The following ZNF639 variants were observed in gnomAD, a reference collection of about 807,000 sequenced individuals.
The protein encoded by ZNF639 is zinc finger amplified in esophageal squamous cell carcinomas 1.
In ZNF639, 20 loss-of-function variants were observed where a neutral mutation model predicts 39.8. That is an observed-to-expected ratio of 0.50 (90% CI 0.35 to 0.73). ZNF639 has a LOEUF of 0.73. ZNF639 is among the 30% of genes least tolerant of loss of function. The pLI, the probability that ZNF639 is intolerant of heterozygous loss-of-function variation, is 0.00. For synonymous variants in ZNF639, 176 were observed against 189.8 expected, an observed-to-expected ratio of 0.93 and a Z score of 0.60; for missense variants, 477 against 566.2, an observed-to-expected ratio of 0.84 and a Z score of 1.60.
chr3:179,333,444 T>G lies in ZNF639; in HGVS notation c.480T>G (p.Ser160=). The change falls in exon 6 of 6, where the codon TCT becomes TCG. Residue 160 remains serine (S), a synonymous_variant. Transcript: ENST00000496856. ...DYDIETENNS[S]ESLQDQTDEE... ...ATATAGAGACAGAAAACAATTCCTC[T>G]GAGAGTCTCCAAGACCAAACTGATG... The G allele has an allele frequency of 6.2e-7, 1 of 1,614,072 alleles. No individual in the cohort carries two copies.
chr3:179,326,773 G>A (rs926568691), intron 1 of ZNF639, among the ~76,000 whole-genome samples: 2 of 151,704 alleles, frequency 1.3e-5, no homozygotes, highest in Non-Finnish European at 2.9e-5. Context: ...TTGCAGGTGC[G>A]CACCATCACA....
chr3:179,323,501 C>T (rs1005918920), intron 1 of ZNF639, among the ~76,000 whole-genome samples: 5 of 152,224 alleles, frequency 3.3e-5, no homozygotes, highest in South Asian at 2.1e-4. Context: ...GCCGGGCTCC[C>T]CTCGGCCCCC....
rs548263303 is a variant in ZNF639 at position 179,323,135 on chromosome 3, G to A, written c.-239G>A. ...GGCGTGGGGCGCGCGGGGAGGGAGA[G>A]GGGTCGGCCCAGCACAGCGTCCGGG... is the stretch of plus-strand genomic sequence containing the variant. On this transcript the variant is annotated 5_prime_UTR_variant, in exon 1 of 6. Coordinates refer to ENST00000496856, the MANE Select transcript of ZNF639 (RefSeq NM_001303426.2). 5 of 984,780 alleles carry A rather than the reference G, an allele frequency of 5.1e-6. No individual in the cohort carries two copies. The highest frequency in any genetic ancestry group is 2.3e-4 in the East Asian group (2 of 8,796). The allele number at this position is 984,780 out of a possible 1,614,324, so 61.0% of individuals were successfully genotyped here.
intron 4 of ZNF639, among the ~76,000 whole-genome samples, 191 bp from the exon 5 acceptor site, chr3:179,332,798 T>G (rs1050151296): frequency 2.6e-5 from 4 of 152,206 alleles, no homozygotes; most frequent in African/African-American, 9.7e-5. Flanking sequence ...GGGCATCAAT[T>G]CTAAAGCATT....
rs1192932548 is a variant in ZNF639, at chr3:179,335,531, G to A, written c.*1109G>A. ...CATTTATTAATAAAATGATAAATTA[G>A]CATCAATATTAGTTCGTATGGCTGC... On this transcript the variant is annotated 3_prime_UTR_variant, in exon 6 of 6. Transcript: ENST00000496856. The A allele has an allele frequency of 6.6e-6, 1 of 152,188 alleles. No homozygotes were observed. The highest frequency in any genetic ancestry group is 2.4e-5 in the African/African-American group (1 of 41,444). The allele number at this position is 152,188 out of a possible 1,614,324, so 9.4% of individuals were successfully genotyped here.
intron 1 of ZNF639, among the ~76,000 whole-genome samples, chr3:179,324,687 T>G (rs780186668): frequency 1.3e-4 from 20 of 152,318 alleles, no homozygotes; most frequent in Non-Finnish European, 2.9e-5. Flanking sequence ...TCCGTGTGCC[T>G]CCTCCTCTCA....
chr3:179,332,602 G>GT (rs1727978276), intron 4 of ZNF639, among the ~76,000 whole-genome samples: 2 of 152,206 alleles, frequency 1.3e-5, no homozygotes, highest in Non-Finnish European at 2.9e-5. Flanking sequence ...AGCCTTGGCA[G>GT]ACTGAGCAAA....
intron 4 of ZNF639, among the ~76,000 whole-genome samples, chr3:179,330,900 A>ATG (rs1434916740): frequency 1.3e-5 from 2 of 152,194 alleles, no homozygotes; most frequent in Non-Finnish European, 2.9e-5. Context: ...GCTTGTAGAT[A>ATG]TGTGTGTGTA....
chr3:179,328,555 T>G (rs1250831373), intron 3 of ZNF639, among the ~76,000 whole-genome samples: 1 of 152,208 alleles, frequency 6.6e-6, no homozygotes, highest in Non-Finnish European at 1.5e-5. Flanking sequence ...ACAGACATTA[T>G]ATTATTCCTC....
chr3:179,331,926 T>G lies in ZNF639; in HGVS notation c.170-1063T>G, dbSNP rs572089984. Reference sequence around the variant, plus strand: ...GATGAAAATGGCAATTTACCTCTGGTCTATCTCCCAGTAATCCATAATTCC... The same window carrying G: ...GATGAAAATGGCAATTTACCTCTGGGCTATCTCCCAGTAATCCATAATTCC... On this transcript the variant is annotated intron_variant, in intron 4 of 5. Coordinates refer to ENST00000496856, the MANE Select transcript of ZNF639 (RefSeq NM_001303426.2). 5.9e-5 allele frequency among the ~76,000 whole-genome samples: 9 copies of G among 152,242 alleles called. No individual in the cohort carries two copies. In the East Asian group the frequency reaches 1.7e-3, roughly 29 times the overall value.
In ZNF639 at chr3:179,338,152, G is replaced by A. The variant is rs1461041950; in HGVS notation, c.*3730G>A. The stretch of plus-strand genomic sequence containing the variant: ...CTGGTTTTGTTTTGTTTTTTGTTTT[G>A]TTTTACTTCAGAGACAGACATTTTC... On this transcript the variant is annotated 3_prime_UTR_variant, in exon 6 of 6. Coordinates refer to ENST00000496856, the MANE Select transcript of ZNF639 (RefSeq NM_001303426.2). 6.7e-6 allele frequency: 1 copy of A among 149,756 alleles called. No individual in the cohort carries two copies. Among genetic ancestry groups the A allele is most frequent in the Non-Finnish European group, 1.5e-5 (1 of 67,332 alleles). The allele number at this position is 149,756 out of a possible 1,614,324, so 9.3% of individuals were successfully genotyped here.
chr3:179,333,115 T>C lies in ZNF639; in HGVS notation c.296T>C (p.Phe99Ser), dbSNP rs756139154. 21 of 1,600,156 alleles carry C rather than the reference T, an allele frequency of 1.3e-5. 1 individual carries two copies. In the African/African-American group the frequency reaches 2.7e-4, roughly 21 times the overall value. Residue 99 changes from phenylalanine to serine, a missense_variant, in exon 5 of 6, where the codon TTT (phenylalanine) becomes TCT (serine). Physicochemically the swap from Phe to Ser is radical, Grantham distance 155. Transcript: ENST00000496856. ...CTTAGAATTCTAGACCACACTGCCT[T>C]TTCTACAGGTTGGGGGAACTAATTT... ...PVLRILDHTA[F>S]STEKSADIVI... is the part of the protein sequence containing the mutation.
chr3:179,322,975 C>T (rs148525075), upstream of ZNF639: 807 of 985,186 alleles, frequency 8.2e-4, no homozygotes, highest in Admixed American at 2.9e-3. Flanking sequence ...GTTCGCGCAG[C>T]CCGCTCCCTG....
chr3:179,324,659 G>T (rs535346957), intron 1 of ZNF639, among the ~76,000 whole-genome samples: 3 of 152,322 alleles, frequency 2.0e-5, no homozygotes, highest in African/African-American at 7.2e-5. Flanking sequence ...CCCTAAGTAG[G>T]AGTCAGACCC....
In ZNF639 at chr3:179,323,251, C is replaced by G; in HGVS notation, c.-123C>G. On this transcript the variant is annotated 5_prime_UTR_variant, in exon 1 of 6. Coordinates refer to ENST00000496856, the MANE Select transcript of ZNF639 (RefSeq NM_001303426.2). ...CGCCTGCGCTCTCGGCCGCCGCCGC[C>G]TCTGCGTGGGCCGGCCGGGAGGGCC... The G allele has an allele frequency of 3.0e-6, 3 of 985,386 alleles. No homozygotes were observed. The highest frequency in any genetic ancestry group is 3.6e-6 in the Non-Finnish European group (3 of 830,056). 61.0% of individuals were successfully genotyped at this position (985,386 alleles called of 1,614,324 possible). A position where few individuals can be genotyped will look rare whatever the true frequency, so the allele number is the denominator to read the frequency against.
At chr3:179,327,155 A>T (rs1727642320) in intron 1 of ZNF639, among the ~76,000 whole-genome samples, 1 of 152,036 alleles carries the variant, frequency 6.6e-6, no homozygotes, top group African/African-American at 2.4e-5. Context: ...GCGCCATTGC[A>T]CTCCAGCCTG....
In ZNF639 at chr3:179,333,570, C is replaced by T. The variant is rs763850355; in HGVS notation, c.606C>T (p.Gly202=). ...KWPLLRANSS[G]LYKCELCEFN... ...CTTTACTGAGAGCTAATAGCAGTGG[C>T]CTCTATAAATGTGAACTTTGTGAGT... The change falls in exon 6 of 6, where the codon GGC becomes GGT. Residue 202 remains glycine, a synonymous_variant. Transcript: ENST00000496856. 6 of 1,613,936 alleles carry T rather than the reference C, an allele frequency of 3.7e-6. No individual in the cohort carries two copies. In the African/African-American group the frequency reaches 8.0e-5, roughly 22 times the overall value.
At chr3:179,331,266 A>T (rs1225200350) in intron 4 of ZNF639, among the ~76,000 whole-genome samples, 1 of 152,234 alleles carries the variant, frequency 6.6e-6, no homozygotes, top group East Asian at 1.9e-4. Context: ...CCATGAATTC[A>T]TGCTGTTATA....
At chr3:179,325,380 T>C (rs1576986324) in intron 1 of ZNF639, 2 of 152,244 alleles carry the variant, frequency 1.3e-5, no homozygotes, top group African/African-American at 4.8e-5. Context: ...TCTGTTTCTT[T>C]AGGCTATTCT....
Sources: allele counts gnomAD v4.1 joint callset (sites outside exome capture counted in the v4.1 genomes callset), GRCh38; gene constraint gnomAD v4.1.1; transcripts MANE v1.5; gene names NCBI Gene and HGNC (gene_info 2026-07-23, HGNC 2026-07-21).